The following SLC22A9 variants were observed in gnomAD, a reference collection of about 807,000 sequenced individuals.
SLC22A9 encodes the protein organic anion transporter 7.
SLC22A9 carries 64 observed loss-of-function variants against 50.1 expected under a neutral mutation model. That is an observed-to-expected ratio of 1.28 (90% CI 1.04 to 1.57). SLC22A9 has a LOEUF of 1.57. Among genes scored for constraint, SLC22A9 ranks in the 40% most tolerant of loss-of-function variants. The pLI is 0.00. For missense variants in SLC22A9, 757 were observed against 676.1 expected, an observed-to-expected ratio of 1.12 and a Z score of -1.33; for synonymous variants, 261 against 242.5, an observed-to-expected ratio of 1.08 and a Z score of -0.71.
intron 5 of SLC22A9, among the ~76,000 whole-genome samples, chr11:63,380,779 A>C (rs2014546867): frequency 6.6e-6 from 1 of 152,018 alleles, no homozygotes; most frequent in African/African-American, 2.4e-5. Context: ...TTGGTGATGA[A>C]ATCATCTACA....
rs750361059 is a variant in SLC22A9 at position 63,410,238 on chromosome 11, C to CAAAAAAAAAAAAAAAAAAAAAAAAAA, written c.*398_*399insAAAAAAAAAAAAAAAAAAAAAAAAAA. Reference sequence around the variant, plus strand: ...GCCTGGTGACAGAGCGAGACTGTCTCAAAAAAAAAAAAAAAAAAAAAAGAA... The same window carrying CAAAAAAAAAAAAAAAAAAAAAAAAAA: ...GCCTGGTGACAGAGCGAGACTGTCTCAAAAAAAAAAAAAAAAAAAAAAAAAAAAAAAAAAAAAAAAAAAAAAAAGAA... On this transcript the variant is annotated 3_prime_UTR_variant, in exon 10 of 10. Transcript: ENST00000279178. 2.9e-5 allele frequency: 1 copy of CAAAAAAAAAAAAAAAAAAAAAAAAAA among 34,388 alleles called. No individual in the cohort carries two copies. The highest frequency in any genetic ancestry group is 1.4e-4 in the African/African-American group (1 of 6,940). 2.1% of individuals were successfully genotyped at this position (34,388 alleles called of 1,614,324 possible). A position where few individuals can be genotyped will look rare whatever the true frequency, so the allele number is the denominator to read the frequency against.
chr11:63,380,845 C>T (rs1212228108), intron 5 of SLC22A9, among the ~76,000 whole-genome samples: 1 of 151,734 alleles, frequency 6.6e-6, no homozygotes, highest in Non-Finnish European at 1.5e-5. Flanking sequence ...ACATGTGCCC[C>T]GAGCCTAAAA....
chr11:63,382,241 A>G lies in SLC22A9; in HGVS notation c.1037A>G (p.Asn346Ser). Residue 346 changes from asparagine to serine, a missense_variant, in exon 6 of 10, where the codon AAC (asparagine) becomes AGC (serine). Coordinates refer to ENST00000279178, the MANE Select transcript of SLC22A9 (RefSeq NM_080866.3). The stretch of plus-strand genomic sequence containing the variant: ...CTGTGTGAAATGCTCCACATGCCCA[A>G]CATATGTAAAAGGATCTCCCTCCTG... The part of the protein sequence containing the change: ...PSLCEMLHMP[N>S]ICKRISLLSF... 6.2e-7 allele frequency: 1 copy of G among 1,609,808 alleles called. No individual in the cohort carries two copies. Among genetic ancestry groups the G allele is most frequent in the Non-Finnish European group, 8.5e-7 (1 of 1,178,776 alleles).
chr11:63,370,681 A>C (rs1442078798), intron 1 of SLC22A9, among the ~76,000 whole-genome samples: 1 of 152,206 alleles, frequency 6.6e-6, no homozygotes, highest in Non-Finnish European at 1.5e-5. Context: ...AGTCACAGGG[A>C]GACCAAAGTT....
At chr11:63,379,070 A>C (rs1478139887) in intron 5 of SLC22A9, among the ~76,000 whole-genome samples, 5 of 152,098 alleles carry the variant, frequency 3.3e-5, no homozygotes, top group African/African-American at 7.2e-5. Context: ...AAAGCAATCC[A>C]AAGCAAAATG....
rs2014449129 is a variant in SLC22A9 at position 63,375,720 on chromosome 11, T to C, written c.906T>C (p.Ala302=). 2 of 1,612,744 alleles carry C rather than the reference T, an allele frequency of 1.2e-6. No individual in the cohort carries two copies. Among genetic ancestry groups the C allele is most frequent in the Non-Finnish European group, 1.7e-6 (2 of 1,179,074 alleles). Residue 302 remains alanine, a synonymous_variant, in exon 5 of 10, where the codon GCT becomes GCC. Transcript: ENST00000279178. ...AAGGCTTAAAGGAACTTAGAAAAGC[T>C]GCACACAGGAGTGGAATGAAGAATG... ...PEEGLKELRK[A]AHRSGMKNAR... is the part of the protein sequence containing the mutation.
chr11:63,396,351 A>C (rs1213730255), intron 6 of SLC22A9, among the ~76,000 whole-genome samples: 1 of 152,128 alleles, frequency 6.6e-6, no homozygotes, highest in Admixed American at 6.6e-5. Context: ...GGGGCCTAGC[A>C]AGCTCCCAGG....
At chr11:63,392,355 C>T (rs1051215417) in intron 6 of SLC22A9, among the ~76,000 whole-genome samples, 2 of 152,024 alleles carry the variant, frequency 1.3e-5, no homozygotes, top group African/African-American at 4.8e-5. Flanking sequence ...ATGTCATTGT[C>T]TTTCAGATGG....
intron 6 of SLC22A9, among the ~76,000 whole-genome samples, chr11:63,405,366 C>T (rs679892): frequency 0.018 from 2,739 of 152,156 alleles, 83 homozygotes; most frequent in African/African-American, 0.063. Flanking sequence ...GGCGACTAAG[C>T]CCTGCTGTGC....
At chr11:63,405,392 C>T (rs562089971) in intron 6 of SLC22A9, among the ~76,000 whole-genome samples, 1 of 152,242 alleles carries the variant, frequency 6.6e-6, no homozygotes, top group African/African-American at 2.4e-5. Context: ...GAAAGTTAAA[C>T]TTGTAATCAA....
At chr11:63,401,225 A>C (rs1331485210) in intron 6 of SLC22A9, among the ~76,000 whole-genome samples, 1 of 152,140 alleles carries the variant, frequency 6.6e-6, no homozygotes, top group Non-Finnish European at 1.5e-5. Context: ...CCTCATTTGC[A>C]TATGATATAA....
At position 63,387,003 on chromosome 11, in the gene SLC22A9, T is replaced by A. The variant is rs2014681405; in HGVS notation, c.1073+4726T>A. ...GTGATGTTAGGGTGTTGATTTGAGA[T>A]CTTTCTAGCTTTTTGATGTGGGCAC... On this transcript the variant is annotated intron_variant, in intron 6 of 9. Coordinates refer to ENST00000279178, the MANE Select transcript of SLC22A9 (RefSeq NM_080866.3). 2.0e-5 allele frequency among the ~76,000 whole-genome samples: 3 copies of A among 152,104 alleles called. No individual in the cohort carries two copies. In the South Asian group the frequency reaches 6.2e-4, roughly 31 times the overall value.
chr11:63,380,733 C>A (rs185473715), intron 5 of SLC22A9, among the ~76,000 whole-genome samples: 11 of 151,894 alleles, frequency 7.2e-5, no homozygotes, highest in African/African-American at 2.7e-4. Flanking sequence ...AGGTGAGGAT[C>A]AAAAAAACTA....
At chr11:63,386,398 T>G (rs902777882) in intron 6 of SLC22A9, among the ~76,000 whole-genome samples, 4 of 149,370 alleles carry the variant, frequency 2.7e-5, no homozygotes, top group Non-Finnish European at 5.9e-5. Flanking sequence ...TTTGTACCTC[T>G]GGTAGAATTC....
Position 63,374,012 on chromosome 11 carries a change from C to A in SLC22A9, c.780C>A (p.Ile260=), listed in dbSNP as rs775100570. Residue 260 remains isoleucine (I), a synonymous_variant, in exon 4 of 10, where the codon ATC becomes ATA. Coordinates refer to ENST00000279178, the MANE Select transcript of SLC22A9 (RefSeq NM_080866.3). ...GLAFAIRDWH[I]LQLVVSVPYF... is the part of the protein sequence containing the mutation. ...CTTTTGCCATTCGAGACTGGCATAT[C>A]CTCCAGCTGGTGGTGTCTGTACCAT... The A allele has an allele frequency of 2.5e-6, 4 of 1,613,528 alleles. No individual in the cohort carries two copies. The highest frequency in any genetic ancestry group is 3.4e-6 in the Non-Finnish European group (4 of 1,179,724).
chr11:63,380,850 C>CTAAAA lies in SLC22A9; in HGVS notation c.955-1308_955-1304dup, dbSNP rs372336925. On this transcript the variant is annotated intron_variant, in intron 5 of 9. Coordinates refer to ENST00000279178, the MANE Select transcript of SLC22A9 (RefSeq NM_080866.3). ...ACAAACCTGCACATGTGCCCCGAGC[C>CTAAAA]TAAAAGTTGGAAAGTAAAAAACAAA... Among the ~76,000 whole-genome samples, 927 of 151,966 alleles carry CTAAAA rather than the reference C, an allele frequency of 6.1e-3. 9 individuals are homozygous for CTAAAA. Among genetic ancestry groups the CTAAAA allele is most frequent in the African/African-American group, 0.02 (848 of 41,464 alleles).
chr11:63,409,977 A>G lies in SLC22A9; in HGVS notation c.*115A>G. 8.5e-7 allele frequency: 1 copy of G among 1,173,102 alleles called. No individual in the cohort carries two copies. Among genetic ancestry groups the G allele is most frequent in the East Asian group, 2.6e-5 (1 of 37,948 alleles). The allele number at this position is 1,173,102 out of a possible 1,614,324, so 72.7% of individuals were successfully genotyped here. On this transcript the variant is annotated 3_prime_UTR_variant, in exon 10 of 10. Transcript: ENST00000279178. ...ATAACAAGGCTGGGTGCGGTGGCTC[A>G]CGCCTGTAATCCCAGCACCTTGGGA...
rs760102039 is a variant in SLC22A9, at chr11:63,406,526, T to A, written c.1103T>A (p.Leu368His). 1.2e-6 allele frequency: 2 copies of A among 1,613,762 alleles called. No homozygotes were observed. The highest frequency in any genetic ancestry group is 1.1e-5 in the South Asian group (1 of 91,078). ...RFANFMAYFGLNLHVQHLGNN... is the reference protein window; with the variant it reads ...RFANFMAYFGHNLHVQHLGNN... The stretch of plus-strand genomic sequence containing the variant: ...GCAAACTTTATGGCCTATTTTGGCC[T>A]TAATCTCCATGTCCAGCATCTGGGG... Residue 368 changes from leucine (L) to histidine (H), a missense_variant, in exon 7 of 10, where the codon CTT becomes CAT. Transcript: ENST00000279178.
At chr11:63,382,324 T>G in intron 6 of SLC22A9, 47 bp downstream of exon 6, 2 of 1,368,848 alleles carry the variant, frequency 1.5e-6, no homozygotes, top group Non-Finnish European at 2.0e-6. Flanking sequence ...ACTGGAGACA[T>G]GAATCTTGTC....
Sources: allele counts gnomAD v4.1 joint callset (sites outside exome capture counted in the v4.1 genomes callset), GRCh38; gene constraint gnomAD v4.1.1; transcripts MANE v1.5; gene names NCBI Gene and HGNC (gene_info 2026-07-23, HGNC 2026-07-21).